Variants in ITGA8 observed in about 807,000 individuals in gnomAD.
The protein encoded by ITGA8 is integrin subunit alpha 8.
In ITGA8, 91 loss-of-function variants were observed where a neutral mutation model predicts 142.3. The ratio of observed to expected loss-of-function variants is 0.64; its 90% confidence interval spans 0.54 to 0.76. ITGA8 has a LOEUF of 0.76. ITGA8 is among the 30% of genes least tolerant of loss of function. ITGA8 has a pLI of 0.00. For synonymous variants in ITGA8, 505 were observed against 485.2 expected, an observed-to-expected ratio of 1.04 and a Z score of -0.54; for missense variants, 1,406 against 1,327.7, an observed-to-expected ratio of 1.06 and a Z score of -0.92.
intron 12 of ITGA8, among the ~76,000 whole-genome samples, chr10:15,644,432 TAATATATATATATATATATA>T (rs1246467573): frequency 1.3e-5 from 1 of 79,600 alleles, no homozygotes; most frequent in African/African-American, 4.9e-5. Flanking sequence ...CATGTCAGGC[TAATATATATATATATATATA>T]TATATATATA....
intron 2 of ITGA8, among the ~76,000 whole-genome samples, chr10:15,710,035 A>G (rs1835334732): frequency 6.6e-6 from 1 of 152,228 alleles, no homozygotes; most frequent in African/African-American, 2.4e-5. Context: ...ACAGCACTTT[A>G]GTGAACTCAA....
At chr10:15,517,638 G>A (rs575718924) in intron 29 of ITGA8, among the ~76,000 whole-genome samples, 28 of 152,138 alleles carry the variant, frequency 1.8e-4, no homozygotes, top group Non-Finnish European at 3.1e-4. Context: ...ATGTATTTTC[G>A]AAGGAGCCTG....
At chr10:15,570,562 A>G (rs1834161273) in intron 25 of ITGA8, among the ~76,000 whole-genome samples, 1 of 142,506 alleles carries the variant, frequency 7.0e-6, no homozygotes, top group Admixed American at 7.2e-5. Flanking sequence ...GTGAGCCGAG[A>G]TGGCGCCATT....
intron 26 of ITGA8, among the ~76,000 whole-genome samples, chr10:15,554,305 C>G (rs1336731194): frequency 6.6e-6 from 1 of 152,108 alleles, no homozygotes; most frequent in Non-Finnish European, 1.5e-5. Context: ...TGATGAATTG[C>G]CCTGAGTTCA....
chr10:15,615,862 C>G (rs1186677598), intron 14 of ITGA8, among the ~76,000 whole-genome samples: 1 of 152,158 alleles, frequency 6.6e-6, no homozygotes, highest in Non-Finnish European at 1.5e-5. Flanking sequence ...CCACCTCTCT[C>G]CCAGTTACTA....
In ITGA8 at chr10:15,692,815, C is replaced by T. The variant is rs557036867; in HGVS notation, c.344-4777G>A. Among the ~76,000 whole-genome samples, 3 of 152,326 alleles carry T rather than the reference C, an allele frequency of 2.0e-5. No individual in the cohort carries two copies. The East Asian group carries it at 5.8e-4, about 29-fold the overall frequency. Reference sequence around the variant, plus strand: ...AGGTGCAGTGGCTCATGCCGGTAATCCCAGCACTTTGGGAGACCAAGGCAG... The same window carrying T: ...AGGTGCAGTGGCTCATGCCGGTAATTCCAGCACTTTGGGAGACCAAGGCAG... On this transcript the variant is annotated intron_variant, in intron 2 of 29. Coordinates refer to ENST00000378076, the MANE Select transcript of ITGA8 (RefSeq NM_003638.3).
At chr10:15,667,015 G>C (rs1400324675) in intron 8 of ITGA8, among the ~76,000 whole-genome samples, 1 of 152,168 alleles carries the variant, frequency 6.6e-6, no homozygotes, top group East Asian at 1.9e-4. Flanking sequence ...TTTGGTATCA[G>C]GATGATGCTG....
At chr10:15,592,178 CTT>C in intron 22 of ITGA8, 45 bp downstream of exon 22, 1 of 1,412,692 alleles carries the variant, frequency 7.1e-7, no homozygotes, top group South Asian at 1.2e-5. Context: ...CTGTGGATCT[CTT>C]TTCTTTTGAC....
At chr10:15,717,886 C>G (rs919215355) in intron 2 of ITGA8, among the ~76,000 whole-genome samples, 7 of 152,112 alleles carry the variant, frequency 4.6e-5, no homozygotes, top group African/African-American at 7.2e-5. Flanking sequence ...AATTAAAAAT[C>G]AAAGAAATCA....
At chr10:15,663,727 C>T (rs1460259637) in intron 8 of ITGA8, among the ~76,000 whole-genome samples, 1 of 152,046 alleles carries the variant, frequency 6.6e-6, no homozygotes, top group Non-Finnish European at 1.5e-5. Context: ...GTGCATGCCA[C>T]CATGCCCAGC....
chr10:15,698,546 C>T (rs537245032), intron 2 of ITGA8, among the ~76,000 whole-genome samples: 4 of 152,232 alleles, frequency 2.6e-5, no homozygotes, highest in African/African-American at 9.6e-5. Context: ...AAAGTGTTCC[C>T]TTTTCACAAC....
intron 11 of ITGA8, among the ~76,000 whole-genome samples, chr10:15,653,178 C>T (rs1564393380): frequency 6.6e-6 from 1 of 152,122 alleles, no homozygotes; most frequent in African/African-American, 2.4e-5. Flanking sequence ...AACACTCCTT[C>T]CTCCCTCCCT....
intron 8 of ITGA8, among the ~76,000 whole-genome samples, chr10:15,670,976 G>A (rs757849289): frequency 3.3e-5 from 5 of 152,048 alleles, no homozygotes; most frequent in African/African-American, 4.8e-5. Context: ...CCCAGGCTCC[G>A]TTTTCTTAAC....
intron 6 of ITGA8, among the ~76,000 whole-genome samples, chr10:15,675,455 C>A (rs930956041): frequency 1.3e-5 from 2 of 152,182 alleles, no homozygotes; most frequent in South Asian, 4.2e-4. Flanking sequence ...CAAAGTATTT[C>A]TCAAATTTCT....
intron 2 of ITGA8, among the ~76,000 whole-genome samples, chr10:15,693,040 C>G (rs1834963504): frequency 6.6e-6 from 1 of 152,002 alleles, no homozygotes; most frequent in Non-Finnish European, 1.5e-5. Flanking sequence ...GCACTCCAGC[C>G]TGGGCAACAA....
intron 2 of ITGA8, among the ~76,000 whole-genome samples, chr10:15,695,212 T>C (rs1043714473): frequency 6.6e-6 from 1 of 152,162 alleles, no homozygotes; most frequent in African/African-American, 2.4e-5. Flanking sequence ...GCTTCATTAA[T>C]TTCATATCCA....
chr10:15,691,207 A>G (rs187815334), intron 2 of ITGA8, among the ~76,000 whole-genome samples: 32 of 152,348 alleles, frequency 2.1e-4, no homozygotes, highest in Middle Eastern at 3.4e-3. Context: ...GTTGTGGAGG[A>G]TATGAAGAAA....
At chr10:15,627,128 G>A (rs1833598830) in intron 13 of ITGA8, among the ~76,000 whole-genome samples, 1 of 152,150 alleles carries the variant, frequency 6.6e-6, no homozygotes, top group Non-Finnish European at 1.5e-5. Flanking sequence ...GCTACTTAGA[G>A]TCTATCAATC....
At chr10:15,649,595 G>A (rs1834049148) in intron 11 of ITGA8, among the ~76,000 whole-genome samples, 1 of 148,602 alleles carries the variant, frequency 6.7e-6, no homozygotes, top group Admixed American at 6.8e-5. Flanking sequence ...ACCACTAGAT[G>A]GCAGAGTGAG....
Sources: gnomAD v4.1 joint callset for allele counts (sites outside exome capture counted in the v4.1 genomes callset) on GRCh38, gnomAD v4.1.1 for gene constraint, MANE v1.5 for transcripts, NCBI Gene and HGNC (gene_info 2026-07-23, HGNC 2026-07-21) for gene names.